Variants in SLIT2 observed in about 807,000 individuals in gnomAD.
SLIT2 encodes the protein slit guidance ligand 2.
Under a neutral mutation model 185.7 loss-of-function variants are expected in SLIT2, and 41 were observed. The ratio of observed to expected loss-of-function variants is 0.22; its 90% confidence interval spans 0.17 to 0.29. The LOEUF (loss-of-function observed/expected upper bound fraction) is 0.29. Ranked by LOEUF, SLIT2 falls within the 10% of genes least tolerant of loss-of-function variation. SLIT2 has a pLI of 1.00. For synonymous variants in SLIT2, 693 were observed against 680.2 expected (o/e 1.02, Z -0.29); for missense variants, 1,571 against 1,909.0 (o/e 0.82, Z 3.30).
chr4:20,320,096 C>T (rs1577425139), intron 4 of SLIT2, among the ~76,000 whole-genome samples: 1 of 152,120 alleles, frequency 6.6e-6, no homozygotes, highest in Admixed American at 6.5e-5. Context: ...TAGTCACACA[C>T]AATTCTTACC....
chr4:20,311,802 T>C (rs1303081952), intron 4 of SLIT2, among the ~76,000 whole-genome samples: 1 of 152,198 alleles, frequency 6.6e-6, no homozygotes, highest in Non-Finnish European at 1.5e-5. Flanking sequence ...CCACTATAAA[T>C]GTGTATCCAA....
intron 4 of SLIT2, among the ~76,000 whole-genome samples, chr4:20,388,806 T>TAA (rs1553892041): frequency 5.5e-5 from 8 of 144,300 alleles, no homozygotes; most frequent in African/African-American, 1.8e-4. Flanking sequence ...TATATATATA[T>TAA]AACATATGTA....
intron 5 of SLIT2, among the ~76,000 whole-genome samples, chr4:20,479,970 C>T (rs1350755401): frequency 6.6e-6 from 1 of 152,082 alleles, no homozygotes; most frequent in African/African-American, 2.4e-5. Context: ...TTTTAAAAAG[C>T]AAAATTGTTA....
intron 4 of SLIT2, among the ~76,000 whole-genome samples, chr4:20,386,576 T>C (rs1341012261): frequency 6.6e-6 from 1 of 152,190 alleles, no homozygotes; most frequent in African/African-American, 2.4e-5. Context: ...CAAGCCTCAC[T>C]TTTTGATTTT....
At chr4:20,356,767 G>C (rs1395343157) in intron 4 of SLIT2, among the ~76,000 whole-genome samples, 3 of 152,094 alleles carry the variant, frequency 2.0e-5, no homozygotes, top group African/African-American at 7.2e-5. Flanking sequence ...CTGCTCAACT[G>C]TGCAAGGTTG....
At chr4:20,475,216 C>G (rs746382597) in intron 5 of SLIT2, among the ~76,000 whole-genome samples, 1 of 152,048 alleles carries the variant, frequency 6.6e-6, no homozygotes, top group Non-Finnish European at 1.5e-5. Flanking sequence ...TGCCTCTGCT[C>G]ACAACTCTTC....
intron 4 of SLIT2, among the ~76,000 whole-genome samples, chr4:20,405,918 C>CTGTCCTATCAACA (rs1553895950): frequency 6.8e-6 from 1 of 146,750 alleles, no homozygotes; most frequent in Non-Finnish European, 1.5e-5. Flanking sequence ...TATTCACAAA[C>CTGTCCTATCAACA]ATTACCTTGG....
intron 4 of SLIT2, among the ~76,000 whole-genome samples, chr4:20,302,279 A>G (rs746295332): frequency 1.1e-4 from 17 of 152,210 alleles, no homozygotes; most frequent in Non-Finnish European, 1.8e-4. Context: ...TAAACTTAAG[A>G]TATCTGATAT....
intron 4 of SLIT2, among the ~76,000 whole-genome samples, chr4:20,343,511 T>C (rs1721131297): frequency 6.6e-6 from 1 of 152,052 alleles, no homozygotes; most frequent in South Asian, 2.1e-4. Flanking sequence ...TAAAACTTTT[T>C]TTTTTCTTGA....
rs973414578 is a variant in SLIT2 at position 20,616,974 on chromosome 4, C to G, written c.3912C>G (p.Phe1304Leu). ...RQAPGQNGTS[F>L]HGCIRNLYIN... ...CCCCTGGGCAGAACGGAACCAGCTT[C>G]CACGGCTGCATCCGGAACCTTTACA... is the stretch of plus-strand genomic sequence containing the variant. Residue 1304 changes from phenylalanine (F) to leucine (L), a missense_variant, in exon 35 of 37, where the codon TTC becomes TTG. This residue lies in a region of SLIT2 where 146 missense variants were observed against 247.4 expected (regional missense o/e 0.59). Transcript: ENST00000504154. The G allele has an allele frequency of 1.9e-6, 3 of 1,613,934 alleles. No individual in the cohort carries two copies. In the African/African-American group the frequency reaches 4.0e-5, roughly 22 times the overall value.
chr4:20,514,275 A>G (rs1466494927), intron 11 of SLIT2, among the ~76,000 whole-genome samples: 1 of 152,212 alleles, frequency 6.6e-6, no homozygotes, highest in Non-Finnish European at 1.5e-5. Context: ...TATAATCACT[A>G]CAATTGCTAA....
At chr4:20,442,946 T>A (rs1456493331) in intron 4 of SLIT2, among the ~76,000 whole-genome samples, 2 of 152,118 alleles carry the variant, frequency 1.3e-5, no homozygotes, top group Non-Finnish European at 2.9e-5. Context: ...TATTTCATAG[T>A]GAAATAGAAA....
Position 20,484,025 on chromosome 4 carries a change from C to CTAA in SLIT2, c.540-2174_540-2173insAAT, listed in dbSNP as rs1285557951. On this transcript the variant is annotated intron_variant, in intron 6 of 36. Transcript: ENST00000504154. The surrounding 1 kb of genome is among the most constrained non-coding windows in gnomAD (Gnocchi z 4.3). The stretch of plus-strand genomic sequence containing the variant: ...AATAAAATACTAAGATAATGTATTC[C>CTAA]TTTAGTTGCATTATGTGAACTAACA... 1.3e-5 allele frequency among the ~76,000 whole-genome samples: 2 copies of CTAA among 151,898 alleles called. 1 individual carries two copies. Among genetic ancestry groups the CTAA allele is most frequent in the Non-Finnish European group, 2.9e-5 (2 of 67,930 alleles).
chr4:20,535,022 T>C (rs1024724562), intron 18 of SLIT2, among the ~76,000 whole-genome samples: 1 of 152,004 alleles, frequency 6.6e-6, no homozygotes, highest in African/African-American at 2.4e-5. Context: ...TACTGAGGAC[T>C]GGGCGCGGTG....
At chr4:20,490,539 T>C (rs545448317) in intron 8 of SLIT2, among the ~76,000 whole-genome samples, 2 of 152,278 alleles carry the variant, frequency 1.3e-5, no homozygotes, top group African/African-American at 4.8e-5. Context: ...TTAAGAAACG[T>C]ATAATGCATC....
intron 4 of SLIT2, among the ~76,000 whole-genome samples, chr4:20,289,024 G>T (rs184519400): frequency 3.3e-5 from 5 of 151,720 alleles, no homozygotes; most frequent in Admixed American, 3.3e-4. Context: ...GTTGAGATAC[G>T]TCTCTAGACT....
At chr4:20,586,565 C>T (rs1727081484) in intron 29 of SLIT2, among the ~76,000 whole-genome samples, 1 of 152,152 alleles carries the variant, frequency 6.6e-6, no homozygotes, top group East Asian at 1.9e-4. Context: ...ACCCTAAAAC[C>T]TTACCTTATA....
chr4:20,567,179 T>C (rs997194785), intron 26 of SLIT2, 83 bp from the exon 27 acceptor site: 10 of 1,189,676 alleles, frequency 8.4e-6, no homozygotes, highest in Admixed American at 4.5e-5. Context: ...TTATATGAAA[T>C]TTACCATTAC....
chr4:20,373,715 A>G (rs1327028801), intron 4 of SLIT2, among the ~76,000 whole-genome samples: 1 of 152,116 alleles, frequency 6.6e-6, no homozygotes, highest in East Asian at 1.9e-4. Context: ...TATATAAATG[A>G]CTAAGTGAAA....
Sources: allele counts gnomAD v4.1 joint callset (sites outside exome capture counted in the v4.1 genomes callset), GRCh38; gene constraint gnomAD v4.1.1; regional missense constraint gnomAD v4.1.1; non-coding constraint Gnocchi (gnomAD v3.1); transcripts MANE v1.5; gene names NCBI Gene and HGNC (gene_info 2026-07-23, HGNC 2026-07-21).